The following APC variants were observed in gnomAD, a reference collection of about 807,000 sequenced individuals.
The protein encoded by APC is adenomatous polyposis coli protein.
In APC, 72 loss-of-function variants were observed where a neutral mutation model predicts 247.0. The ratio of observed to expected loss-of-function variants is 0.29; its 90% CI spans 0.24 to 0.35. The LOEUF is 0.35. APC is among the 10% of genes least tolerant of loss of function. The pLI, the probability that APC is intolerant of heterozygous loss-of-function variation, is 1.00. For synonymous variants in APC, 1,254 were observed against 1,162.5 expected (o/e 1.08, Z -1.60); for missense variants, 3,400 against 3,360.7 (o/e 1.01, Z -0.29).
chr5:112,755,886 G>C (rs1581124827), intron 2 of APC, among the ~76,000 whole-genome samples: 3 of 151,002 alleles, frequency 2.0e-5, no homozygotes, highest in African/African-American at 7.3e-5. Flanking sequence ...GAGGCAGGAG[G>C]ATAGCTTGAG....
rs1057517606 is a variant in APC at position 112,707,800 on chromosome 5, G to A, written c.83G>A (p.Gly28Asp). Residue 28 changes from glycine to aspartate, a missense_variant, in exon 1 of 14, where the codon GGC becomes GAC. Physicochemically the swap from Gly to Asp is moderately conservative, Grantham distance 94. Coordinates refer to the APC transcript ENST00000507379. ...TCAGTTCTCGGGTCCTGGAGCACCG[G>A]CGGCAGCAGGAGCTGCGTCCGGCAG... 15 of 1,370,546 alleles carry A rather than the reference G, an allele frequency of 1.1e-5. No individual in the cohort carries two copies. Among genetic ancestry groups the A allele is most frequent in the South Asian group, 6.1e-5 (5 of 81,740 alleles). 84.9% of individuals were successfully genotyped at this position (1,370,546 alleles called of 1,614,324 possible). A position where few individuals can be genotyped will look rare whatever the true frequency, so the allele number is the denominator to read the frequency against.
rs1202993576 is a variant in APC, at chr5:112,843,046, A to G, written c.7452A>G (p.Leu2484=). ...PTRSQAQTPV[L]SPSLPDMSLS... is the part of the protein sequence containing the mutation. ...GGTCCCAGGCACAAACTCCAGTTTTAAGTCCTTCCCTTCCTGATATGTCTC... is the reference window on the plus strand; with the variant it reads ...GGTCCCAGGCACAAACTCCAGTTTTGAGTCCTTCCCTTCCTGATATGTCTC... Residue 2484 remains leucine (L), a synonymous_variant, in exon 16 of 16, where the codon TTA becomes TTG. Coordinates refer to ENST00000257430, the MANE Select transcript of APC (RefSeq NM_000038.6). The surrounding 1 kb of genome is among the most constrained non-coding windows in gnomAD (Gnocchi z 4.8). The G allele has an allele frequency of 6.2e-7, 1 of 1,613,764 alleles. No homozygotes were observed. The highest frequency in any genetic ancestry group is 1.3e-5 in the African/African-American group (1 of 74,910).
At chr5:112,815,302 C>G (rs1050292924) in intron 8 of APC, among the ~76,000 whole-genome samples, 193 bp from the exon 9 acceptor site, 1 of 152,150 alleles carries the variant, frequency 6.6e-6, no homozygotes, top group Non-Finnish European at 1.5e-5. Context: ...ACTCTCTTTT[C>G]TTTAGTTTTT....
chr5:112,821,843 C>G (rs1398721720), intron 10 of APC, 53 bp from the exon 11 acceptor site: 1 of 1,381,782 alleles, frequency 7.2e-7, no homozygotes, highest in Non-Finnish European at 1.0e-6. Context: ...CAATAAACAT[C>G]ATTGCTCTTC....
chr5:112,773,423 G>C (rs759460584), intron 4 of APC, among the ~76,000 whole-genome samples: 6 of 152,108 alleles, frequency 3.9e-5, no homozygotes, highest in Non-Finnish European at 7.4e-5. Flanking sequence ...CGTTACAGTT[G>C]ACCCTTGAAC....
chr5:112,709,818 T>G (rs1750745085), intron 1 of APC, among the ~76,000 whole-genome samples: 1 of 152,062 alleles, frequency 6.6e-6, no homozygotes, highest in African/African-American at 2.4e-5. Context: ...GGCAGGAGGA[T>G]TGTTGGAGCC....
intron 2 of APC, among the ~76,000 whole-genome samples, chr5:112,761,074 G>A (rs925219659): frequency 6.6e-6 from 1 of 152,146 alleles, no homozygotes; most frequent in Non-Finnish European, 1.5e-5. Flanking sequence ...CTCCCAAAGT[G>A]CTGAGATTAC....
chr5:112,767,437 A>G, intron 4 of APC, 47 bp downstream of exon 4: 2 of 1,393,048 alleles, frequency 1.4e-6, no homozygotes, highest in South Asian at 2.4e-5. Flanking sequence ...ACTCCAGTTT[A>G]TTGTTATTTT....
chr5:112,820,906 G>T (rs976003265), intron 10 of APC, among the ~76,000 whole-genome samples: 1 of 152,016 alleles, frequency 6.6e-6, no homozygotes, highest in Non-Finnish European at 1.5e-5. Flanking sequence ...CAAGCGCCCA[G>T]ACTGTAATGC....
chr5:112,707,547 G>T lies in APC; in HGVS notation c.-171G>T, dbSNP rs968943120. 1.8e-6 allele frequency: 1 copy of T among 549,360 alleles called. No homozygotes were observed. Among genetic ancestry groups the T allele is most frequent in the Non-Finnish European group, 3.1e-6 (1 of 327,078 alleles). The allele number at this position is 549,360 out of a possible 1,614,324, so 34.0% of individuals were successfully genotyped here. ...CAAGATGGCGGAGGGCAAGTAGCAA[G>T]GGGGCGGGGTGTGGCCGCCGGAAGC... On this transcript the variant is annotated 5_prime_UTR_variant, in exon 1 of 14. Coordinates refer to the APC transcript ENST00000507379.
chr5:112,766,774 C>G (rs532726627), intron 3 of APC, among the ~76,000 whole-genome samples: 1 of 152,258 alleles, frequency 6.6e-6, no homozygotes, highest in African/African-American at 2.4e-5. Flanking sequence ...CTTCTTCATT[C>G]AGGATAGAAA....
chr5:112,746,421 A>G (rs1753684124), intron 1 of APC, among the ~76,000 whole-genome samples: 1 of 152,186 alleles, frequency 6.6e-6, no homozygotes, highest in Non-Finnish European at 1.5e-5. Flanking sequence ...TTATTTCAAA[A>G]TACTATAAAA....
At chr5:112,833,489 A>G (rs1764535111) in intron 14 of APC, among the ~76,000 whole-genome samples, 1 of 148,550 alleles carries the variant, frequency 6.7e-6, no homozygotes, top group African/African-American at 2.4e-5. Context: ...CCGCCTGGCT[A>G]CTTTTTATAT....
At chr5:112,797,174 G>A (rs1197291099) in intron 7 of APC, among the ~76,000 whole-genome samples, 1 of 152,164 alleles carries the variant, frequency 6.6e-6, no homozygotes, top group African/African-American at 2.4e-5. Context: ...TATGATAATA[G>A]TTACATCAGT....
In APC at chr5:112,838,368, G is replaced by A. The variant is rs1197529917; in HGVS notation, c.2774G>A (p.Ser925Asn). 1.9e-6 allele frequency: 3 copies of A among 1,614,134 alleles called. No individual in the cohort carries two copies. In the Admixed American group the frequency reaches 5.0e-5, roughly 27 times the overall value. Residue 925 changes from serine (S) to asparagine (N), a missense_variant, in exon 16 of 16, where the codon AGC becomes AAC. This residue lies in a region of APC where 715 missense variants were observed against 656.6 expected (regional missense o/e 1.09). Coordinates refer to ENST00000257430, the MANE Select transcript of APC (RefSeq NM_000038.6). ...VTDERNALRRSSAAHTHSNTY... is the reference protein window; with the variant it reads ...VTDERNALRRNSAAHTHSNTY... ...GATGAGAGAAATGCACTTAGAAGAA[G>A]CTCTGCTGCCCATACACATTCAAAC...
chr5:112,746,495 G>A (rs370542674), intron 1 of APC, among the ~76,000 whole-genome samples: 1 of 151,998 alleles, frequency 6.6e-6, no homozygotes, highest in Admixed American at 6.6e-5. Context: ...CAACAGGCTC[G>A]TAAAAGCATA....
At chr5:112,819,768 G>T (rs909644453) in intron 10 of APC, among the ~76,000 whole-genome samples, 6 of 152,120 alleles carry the variant, frequency 3.9e-5, no homozygotes, top group Non-Finnish European at 7.4e-5. Flanking sequence ...ACAGAGCAGC[G>T]TTACATCTGT....
rs765849654 is a variant in APC, at chr5:112,840,479, C to G, written c.4885C>G (p.His1629Asp). 6.2e-7 allele frequency: 1 copy of G among 1,614,166 alleles called. No homozygotes were observed. The highest frequency in any genetic ancestry group is 8.5e-7 in the Non-Finnish European group (1 of 1,180,012). Residue 1629 changes from histidine (H) to aspartate (D), a missense_variant, in exon 16 of 16, where the codon CAT becomes GAT. Coordinates refer to ENST00000257430, the MANE Select transcript of APC (RefSeq NM_000038.6). This position sits in a 1 kb window ranked among gnomAD's most constrained non-coding sequence, Gnocchi z 4.1. The part of the protein sequence containing the change: ...PSQNRLQPQK[H>D]VSFTPGDDMP... ...ACAAAACAGGTTGCAACCCCAAAAG[C>G]ATGTTAGTTTTACACCGGGGGATGA...
chr5:112,707,594 C>G lies in APC; in HGVS notation c.-124C>G, dbSNP rs964366695. The stretch of plus-strand genomic sequence containing the variant: ...AAGCCTAGCCGCTGCTCGGGGGGGA[C>G]CTGCGGGCTCAGGCCCGGGAGCTGC... On this transcript the variant is annotated 5_prime_UTR_variant, in exon 1 of 14. Transcript: ENST00000507379. 3 of 1,043,228 alleles carry G rather than the reference C, an allele frequency of 2.9e-6. No homozygotes were observed. The highest frequency in any genetic ancestry group is 3.9e-6 in the Non-Finnish European group (3 of 760,378). 64.6% of individuals were successfully genotyped at this position (1,043,228 alleles called of 1,614,324 possible). A position where few individuals can be genotyped will look rare whatever the true frequency, so the allele number is the denominator to read the frequency against.
Sources: gnomAD v4.1 joint callset for allele counts (sites outside exome capture counted in the v4.1 genomes callset) on GRCh38, gnomAD v4.1.1 for gene constraint, gnomAD v4.1.1 regional missense constraint, Gnocchi (gnomAD v3.1) non-coding constraint, MANE v1.5 for transcripts, NCBI Gene and HGNC (gene_info 2026-07-23, HGNC 2026-07-21) for gene names.